Variants in DSCAML1 observed in about 807,000 individuals in gnomAD.
DSCAML1 encodes the protein cell adhesion molecule DSCAML1.
A neutral mutation model predicts 200.5 loss-of-function variants in DSCAML1; 38 were observed. That is an observed-to-expected ratio of 0.19 (90% confidence interval 0.15 to 0.25). DSCAML1 has a LOEUF of 0.25. Among genes scored for constraint, DSCAML1 ranks in the 10% least tolerant of loss-of-function variants. DSCAML1 has a pLI of 1.00. For synonymous variants in DSCAML1, 1,215 were observed against 1,165.0 expected (o/e 1.04, Z -0.87); for missense variants, 2,223 against 2,858.8 (o/e 0.78, Z 5.07).
Position 117,591,968 on chromosome 11 carries a change from C to T in DSCAML1, c.512-59446G>A, listed in dbSNP as rs139680952. ...GGGAGGCAGGGCTGGGAAAAGGGGG[C>T]ATCTTGAAAGGACCACAGGCCTTGG... is the stretch of plus-strand genomic sequence containing the variant. On this transcript the variant is annotated intron_variant, in intron 3 of 32. Coordinates refer to ENST00000651296, the MANE Select transcript of DSCAML1 (RefSeq NM_020693.4). 3.3e-5 allele frequency among the ~76,000 whole-genome samples: 5 copies of T among 152,238 alleles called. No homozygotes were observed. In the East Asian group the frequency reaches 9.7e-4, roughly 29 times the overall value.
intron 3 of DSCAML1, among the ~76,000 whole-genome samples, chr11:117,718,107 G>T (rs1835222805): frequency 6.6e-6 from 1 of 152,240 alleles, no homozygotes; most frequent in Non-Finnish European, 1.5e-5. Flanking sequence ...GTGGCAGGCG[G>T]AGCAGCATCC....
At chr11:117,560,377 C>T (rs2050639730) in intron 3 of DSCAML1, among the ~76,000 whole-genome samples, 1 of 152,166 alleles carries the variant, frequency 6.6e-6, no homozygotes, top group South Asian at 2.1e-4. Context: ...CACTGCAGTC[C>T]CCTTCTCTAC....
At chr11:117,689,332 C>T (rs555240353) in intron 3 of DSCAML1, among the ~76,000 whole-genome samples, 4 of 152,260 alleles carry the variant, frequency 2.6e-5, no homozygotes, top group Admixed American at 1.3e-4. Context: ...CAGCATCACC[C>T]GAGAGCTGGT....
chr11:117,755,141 C>A, intron 3 of DSCAML1, among the ~76,000 whole-genome samples: 1 of 152,142 alleles, frequency 6.6e-6, no homozygotes, highest in Non-Finnish European at 1.5e-5. Flanking sequence ...TCAATGATGT[C>A]TATTGGAAGT....
Position 117,482,068 on chromosome 11 carries a change from G to C in DSCAML1, c.2454C>G (p.Ile818Met). 6.2e-7 allele frequency: 1 copy of C among 1,614,206 alleles called. No individual in the cohort carries two copies. The highest frequency in any genetic ancestry group is 8.5e-7 in the Non-Finnish European group (1 of 1,180,008). The change falls in exon 12 of 33, where the codon ATC becomes ATG. Residue 818 changes from isoleucine (I) to methionine (M), a missense_variant. Physicochemically the swap from Ile to Met is conservative, Grantham distance 10. Transcript: ENST00000651296. ...TGTCCCCCTTCTCCCAGCGGATGATGATGGGCCGCTCACCCCGTGCCGTGC... is the reference window on the plus strand; with the variant it reads ...TGTCCCCCTTCTCCCAGCGGATGATCATGGGCCGCTCACCCCGTGCCGTGC... ...LNCTARGERP[I>M]IIRWEKGDTV... is the part of the protein sequence containing the mutation.
At chr11:117,637,058 G>C (rs950672058) in intron 3 of DSCAML1, among the ~76,000 whole-genome samples, 1 of 152,048 alleles carries the variant, frequency 6.6e-6, no homozygotes, top group Non-Finnish European at 1.5e-5. Flanking sequence ...TGCACATGCT[G>C]TTCCCTGAGC....
chr11:117,744,979 A>G (rs550321309), intron 3 of DSCAML1, among the ~76,000 whole-genome samples: 1 of 151,954 alleles, frequency 6.6e-6, no homozygotes, highest in Non-Finnish European at 1.5e-5. Context: ...TGGCCAGGAC[A>G]AGGGGCTACC....
rs10684152 is a variant in DSCAML1 at position 117,714,826 on chromosome 11, G to GGAAAAAAAAA, written c.511+61964_511+61965insTTTTTTTTTC. On this transcript the variant is annotated intron_variant, in intron 3 of 32. Coordinates refer to ENST00000651296, the MANE Select transcript of DSCAML1 (RefSeq NM_020693.4). Reference sequence around the variant, plus strand: ...GACAAGAGTGAAACTTCATCTTGAGGAAAAAAAAAAAAAAAAAGGAAGGTG... The same window carrying GGAAAAAAAAA: ...GACAAGAGTGAAACTTCATCTTGAGGGAAAAAAAAAAAAAAAAAAAAAAAAAAGGAAGGTG... Among the ~76,000 whole-genome samples, 2 of 115,550 alleles carry GGAAAAAAAAA rather than the reference G, an allele frequency of 1.7e-5. 1 individual carries two copies. Among genetic ancestry groups the GGAAAAAAAAA allele is most frequent in the African/African-American group, 6.8e-5 (2 of 29,556 alleles). 75.8% of individuals were successfully genotyped at this position (115,550 alleles called of 152,430 possible). A position where few individuals can be genotyped will look rare whatever the true frequency, so the allele number is the denominator to read the frequency against.
intron 3 of DSCAML1, among the ~76,000 whole-genome samples, chr11:117,564,702 CTTTCTTCCTTCT>C (rs2050724449): frequency 6.7e-6 from 1 of 149,734 alleles, no homozygotes; most frequent in Non-Finnish European, 1.5e-5. Context: ...TCCTTCCTTC[CTTTCTTCCTTCT>C]TTCCTTTCCT....
At chr11:117,635,447 G>GGT (rs201976004) in intron 3 of DSCAML1, among the ~76,000 whole-genome samples, 12,134 of 146,554 alleles carry the variant, frequency 0.083, 440 homozygotes, top group East Asian at 0.13. Flanking sequence ...TAGTGTGTGT[G>GGT]GTGTGTGTGT....
At chr11:117,592,589 C>G (rs1312059950) in intron 3 of DSCAML1, among the ~76,000 whole-genome samples, 4 of 152,160 alleles carry the variant, frequency 2.6e-5, no homozygotes, top group African/African-American at 9.7e-5. Flanking sequence ...CTAGGCTCAC[C>G]GATGGTCCAT....
At chr11:117,742,419 G>A (rs78305817) in intron 3 of DSCAML1, among the ~76,000 whole-genome samples, 1,957 of 152,296 alleles carry the variant, frequency 0.013, 16 homozygotes, top group Non-Finnish European at 0.02. Flanking sequence ...TACTGGGTCT[G>A]TCCTGGGGCC....
chr11:117,627,002 C>T (rs1269713532), intron 3 of DSCAML1, among the ~76,000 whole-genome samples: 1 of 152,226 alleles, frequency 6.6e-6, no homozygotes, highest in African/African-American at 2.4e-5. Flanking sequence ...CGAGACTTTA[C>T]ATTCAGGAAG....
At chr11:117,674,932 G>T (rs1193418173) in intron 3 of DSCAML1, among the ~76,000 whole-genome samples, 1 of 152,124 alleles carries the variant, frequency 6.6e-6, no homozygotes, top group Non-Finnish European at 1.5e-5. Context: ...GATCTGGGTG[G>T]GGTATAGATT....
chr11:117,627,022 C>T (rs1024815315), intron 3 of DSCAML1, among the ~76,000 whole-genome samples: 8 of 152,228 alleles, frequency 5.3e-5, no homozygotes, highest in Non-Finnish European at 1.0e-4. Context: ...GCTTAGCTGA[C>T]ATTTATGGCG....
intron 3 of DSCAML1, among the ~76,000 whole-genome samples, chr11:117,745,646 T>C (rs1051691131): frequency 3.3e-5 from 5 of 152,134 alleles, no homozygotes; most frequent in Non-Finnish European, 7.4e-5. Flanking sequence ...TCCATCCTCC[T>C]CCGGAATGGC....
intron 3 of DSCAML1, among the ~76,000 whole-genome samples, chr11:117,755,063 G>T (rs1265694937): frequency 6.6e-6 from 1 of 152,158 alleles, no homozygotes; most frequent in Non-Finnish European, 1.5e-5. Flanking sequence ...GGTGAAAACA[G>T]TTGGAAGAAC....
At chr11:117,614,710 T>C (rs996787276) in intron 3 of DSCAML1, among the ~76,000 whole-genome samples, 2 of 152,156 alleles carry the variant, frequency 1.3e-5, no homozygotes, top group East Asian at 3.8e-4. Flanking sequence ...ATTGGAACGG[T>C]CCAGTCCTCA....
chr11:117,635,886 G>T (rs2052272701), intron 3 of DSCAML1, among the ~76,000 whole-genome samples: 1 of 152,086 alleles, frequency 6.6e-6, no homozygotes, highest in Non-Finnish European at 1.5e-5. Context: ...GGTTCAGGGG[G>T]AGTCTCTGAG....
Sources: gnomAD v4.1 joint callset for allele counts (sites outside exome capture counted in the v4.1 genomes callset) on GRCh38, gnomAD v4.1.1 for gene constraint, MANE v1.5 for transcripts, NCBI Gene and HGNC (gene_info 2026-07-23, HGNC 2026-07-21) for gene names.